The following ADCY5 variants were observed in gnomAD, a reference collection of about 807,000 sequenced individuals.
ADCY5 encodes adenylate cyclase 5, also known as adenylate cyclase type 5.
A neutral mutation model predicts 119.7 loss-of-function variants in ADCY5; 30 were observed. The observed-to-expected ratio is 0.25, with a 90% CI of 0.19 to 0.34. The LOEUF (loss-of-function observed/expected upper bound fraction) is 0.34, where lower values mean the gene tolerates loss of function less well. Among genes scored for constraint, ADCY5 ranks in the 10% least tolerant of loss-of-function variants. The pLI, the probability that ADCY5 is intolerant of heterozygous loss-of-function variation, is 1.00. For synonymous variants in ADCY5, 753 were observed against 762.2 expected (o/e 0.99, Z 0.20); for missense variants, 1,324 against 1,775.2 (o/e 0.75, Z 4.57).
chr3:123,403,745 CTT>C (rs1222929133), intron 1 of ADCY5, among the ~76,000 whole-genome samples: 1 of 152,208 alleles, frequency 6.6e-6, no homozygotes, highest in Non-Finnish European at 1.5e-5. Flanking sequence ...CTGAGTTGGG[CTT>C]TCCCAGCCCA....
chr3:123,377,415 TC>T (rs1242732505), intron 1 of ADCY5, among the ~76,000 whole-genome samples: 1 of 152,080 alleles, frequency 6.6e-6, no homozygotes, highest in Non-Finnish European at 1.5e-5. Flanking sequence ...CTCCTACTCT[TC>T]CTGTGGACTC....
rs748860963 is a variant in ADCY5, at chr3:123,303,223, G to C, written c.2560-4C>G. ...GGTCCCTGGAGTTGCACGTGAACTGGGGGGAGGAAGGAGGGTGATGAGGGG... is the reference window on the plus strand; with the variant it reads ...GGTCCCTGGAGTTGCACGTGAACTGCGGGGAGGAAGGAGGGTGATGAGGGG... On this transcript the variant is annotated splice_region_variant and splice_polypyrimidine_tract_variant and intron_variant, in intron 13 of 20. Transcript: ENST00000462833. 5.0e-6 allele frequency: 8 copies of C among 1,611,552 alleles called. No homozygotes were observed. Among genetic ancestry groups the C allele is most frequent in the Admixed American group, 1.7e-5 (1 of 59,988 alleles).
rs796721451 is a variant in ADCY5 at position 123,322,233 on chromosome 3, C to T, written c.2089-1462G>A. ...GCCCACTCAATTCCATCCCAGGAGC[C>T]GGCAAAAATTTTACTACGGAACCGA... On this transcript the variant is annotated intron_variant, in intron 8 of 20. Coordinates refer to ENST00000462833, the MANE Select transcript of ADCY5 (RefSeq NM_183357.3). 9.2e-5 allele frequency among the ~76,000 whole-genome samples: 14 copies of T among 152,274 alleles called. 1 individual carries two copies. The highest frequency in any genetic ancestry group is 3.1e-4 in the African/African-American group (13 of 41,554).
At chr3:123,322,294 T>C (rs994993124) in intron 8 of ADCY5, among the ~76,000 whole-genome samples, 3 of 152,220 alleles carry the variant, frequency 2.0e-5, no homozygotes, top group African/African-American at 7.2e-5. Context: ...TGCTGGTCTC[T>C]ATGGTTCAAA....
chr3:123,407,884 G>A (rs1944941940), intron 1 of ADCY5, among the ~76,000 whole-genome samples: 1 of 151,552 alleles, frequency 6.6e-6, no homozygotes, highest in African/African-American at 2.4e-5. Context: ...AAGCAGACTA[G>A]TGGTTGCCAG....
At chr3:123,314,164 C>T (rs969539159) in intron 12 of ADCY5, 71 bp downstream of exon 12, 74 of 1,346,722 alleles carry the variant, frequency 5.5e-5, no homozygotes, top group Admixed American at 3.2e-4. Flanking sequence ...TTTTGGGCCC[C>T]TGGGTAGGGC....
At position 123,332,594 on chromosome 3, in the gene ADCY5, C is replaced by T. The variant is rs1576586026; in HGVS notation, c.1488G>A (p.Glu496=). 1.2e-6 allele frequency: 2 copies of T among 1,613,738 alleles called. No individual in the cohort carries two copies. The highest frequency in any genetic ancestry group is 4.5e-5 in the East Asian group (2 of 44,872). Residue 496 remains glutamate, a synonymous_variant, in exon 4 of 21, where the codon GAG becomes GAA. Coordinates refer to ENST00000462833, the MANE Select transcript of ADCY5 (RefSeq NM_183357.3). Reference sequence around the variant, plus strand: ...CCAGCTTGTCAAAGCGGGCGAAGAGCTCGTTGAGGGTCATGACCAGTTCCT... The same window carrying T: ...CCAGCTTGTCAAAGCGGGCGAAGAGTTCGTTGAGGGTCATGACCAGTTCCT... ...TAQELVMTLN[E]LFARFDKLAA... is the part of the protein sequence containing the mutation.
chr3:123,300,182 G>A lies in ADCY5; in HGVS notation c.2838C>T (p.Ile946=), dbSNP rs375200141. ...MLAIELIYVL[I]VEVPGVTLFD... ...AGAGCGTGACACCTGGCACCTCCAC[G>A]ATGAGCACGTAGATGAGCTCGATGG... is the stretch of plus-strand genomic sequence containing the variant. The change falls in exon 15 of 21, where the codon ATC becomes ATT. Residue 946 remains isoleucine (I), a synonymous_variant. Transcript: ENST00000462833. 9.0e-5 allele frequency: 146 copies of A among 1,613,778 alleles called. No homozygotes were observed. Among genetic ancestry groups the A allele is most frequent in the Middle Eastern group, 1.6e-4 (1 of 6,084 alleles).
Position 123,284,318 on chromosome 3 carries a change from C to T in ADCY5, c.*290G>A, listed in dbSNP as rs537894287. 11 of 396,114 alleles carry T rather than the reference C, an allele frequency of 2.8e-5. No individual in the cohort carries two copies. The South Asian group carries it at 3.3e-4, about 12-fold the overall frequency. The allele number at this position is 396,114 out of a possible 1,614,324, so 24.5% of individuals were successfully genotyped here. A position where few individuals can be genotyped will look rare whatever the true frequency, so the allele number is the denominator to read the frequency against. ...TTCCCACGGCTCCTTTCCACCTGTG[C>T]AGCAGCACCTGTTAGAAAACTCAAG... On this transcript the variant is annotated 3_prime_UTR_variant, in exon 21 of 21. Transcript: ENST00000462833.
chr3:123,368,162 C>T (rs763088320), intron 1 of ADCY5: 29 of 804,586 alleles, frequency 3.6e-5, no homozygotes, highest in African/African-American at 7.1e-5. Flanking sequence ...AATCTGAATG[C>T]GCTCATCTCT....
At chr3:123,441,780 CA>C (rs1361740926) in intron 1 of ADCY5, among the ~76,000 whole-genome samples, 27 of 152,244 alleles carry the variant, frequency 1.8e-4, no homozygotes, top group Non-Finnish European at 3.8e-4. Flanking sequence ...CGTTGTATTT[CA>C]GACCAGGCCT....
At chr3:123,447,383 C>A (rs1010949564) in intron 1 of ADCY5, 29 bp downstream of exon 1, 1 of 1,506,600 alleles carries the variant, frequency 6.6e-7, no homozygotes, top group South Asian at 1.3e-5. Context: ...GCCCCGCAAT[C>A]CAGTCCCGGT....
intron 9 of ADCY5, 150 bp from the exon 10 acceptor site, chr3:123,319,968 AC>A: frequency 9.0e-7 from 1 of 1,112,682 alleles, no homozygotes. Context: ...TGAGACTGAG[AC>A]CAGAAGCCTA....
At chr3:123,311,092 A>T (rs1940544330) in intron 12 of ADCY5, among the ~76,000 whole-genome samples, 1 of 152,246 alleles carries the variant, frequency 6.6e-6, no homozygotes, top group Non-Finnish European at 1.5e-5. Context: ...TTCTGGGAAA[A>T]TGGAAAAGTA....
chr3:123,434,275 C>G (rs552617785), intron 1 of ADCY5, among the ~76,000 whole-genome samples: 9 of 152,244 alleles, frequency 5.9e-5, no homozygotes, highest in Non-Finnish European at 1.3e-4. Context: ...TCCTCCTCTC[C>G]AAAACCACAT....
chr3:123,327,955 A>G (rs1941574908), intron 6 of ADCY5, among the ~76,000 whole-genome samples, 196 bp from the exon 7 acceptor site: 1 of 152,134 alleles, frequency 6.6e-6, no homozygotes, highest in Non-Finnish European at 1.5e-5. Context: ...GCCCACTGCA[A>G]CCACACTGTC....
chr3:123,369,192 A>G (rs1406527884), intron 1 of ADCY5, among the ~76,000 whole-genome samples: 1 of 152,198 alleles, frequency 6.6e-6, no homozygotes, highest in Non-Finnish European at 1.5e-5. Flanking sequence ...GCTAACGTGC[A>G]CACATATGCT....
At chr3:123,315,850 G>A (rs1015037990) in intron 11 of ADCY5, among the ~76,000 whole-genome samples, 9 of 152,112 alleles carry the variant, frequency 5.9e-5, no homozygotes, top group African/African-American at 1.9e-4. Flanking sequence ...CTCCCAAAGC[G>A]CTGGGATTAC....
At chr3:123,429,843 C>T (rs1363010279) in intron 1 of ADCY5, among the ~76,000 whole-genome samples, 2 of 152,158 alleles carry the variant, frequency 1.3e-5, no homozygotes, top group Non-Finnish European at 2.9e-5. Flanking sequence ...GGGGAAGAGG[C>T]TGCCCCACCC....
Sources: gnomAD v4.1 joint callset for allele counts (sites outside exome capture counted in the v4.1 genomes callset) on GRCh38, gnomAD v4.1.1 for gene constraint, MANE v1.5 for transcripts, NCBI Gene and HGNC (gene_info 2026-07-23, HGNC 2026-07-21) for gene names.